The following MGMT variants were observed in gnomAD, a reference collection of about 807,000 sequenced individuals.
MGMT encodes methylated-DNA--protein-cysteine methyltransferase.
A neutral mutation model predicts 15.9 loss-of-function variants in MGMT; 14 were observed. The observed-to-expected ratio is 0.88, with a 90% CI of 0.58 to 1.37. The LOEUF (loss-of-function observed/expected upper bound fraction) is 1.37, where lower values mean the gene tolerates loss of function less well. Among genes scored for constraint, MGMT ranks in the 40% most tolerant of loss-of-function variants. The probability of loss-of-function intolerance (pLI) is 0.00; values close to 1 mark genes in which losing one functional copy is unlikely to be tolerated. For missense variants in MGMT, 282 were observed against 268.1 expected (o/e 1.05, Z -0.36); for synonymous variants, 130 against 118.2 (o/e 1.10, Z -0.65).
intron 2 of MGMT, among the ~76,000 whole-genome samples, chr10:129,562,152 A>G (rs991624961): frequency 4.6e-5 from 7 of 152,214 alleles, no homozygotes; most frequent in Non-Finnish European, 7.3e-5. Flanking sequence ...GTTGTAAAAA[A>G]TTATATACCA....
chr10:129,756,212 G>A (rs1220077582), intron 3 of MGMT, among the ~76,000 whole-genome samples: 1 of 152,170 alleles, frequency 6.6e-6, no homozygotes, highest in African/African-American at 2.4e-5. Context: ...AAATAGCCAT[G>A]TCCTTCAGAT....
chr10:129,667,664 T>C (rs1401601345), intron 2 of MGMT, among the ~76,000 whole-genome samples: 1 of 152,214 alleles, frequency 6.6e-6, no homozygotes, highest in Admixed American at 6.5e-5. Flanking sequence ...GGTTATACGG[T>C]ATGGATGTAA....
chr10:129,743,183 C>T (rs1412638678), intron 3 of MGMT, among the ~76,000 whole-genome samples: 2 of 152,192 alleles, frequency 1.3e-5, no homozygotes, highest in African/African-American at 4.8e-5. Flanking sequence ...AAACTGCTAC[C>T]CATCCAAGAC....
intron 2 of MGMT, among the ~76,000 whole-genome samples, chr10:129,629,551 C>T (rs1362369409): frequency 3.9e-5 from 6 of 152,186 alleles, no homozygotes; most frequent in Admixed American, 2.0e-4. Flanking sequence ...AGTTAAGCAG[C>T]GTACCTGGTG....
intron 2 of MGMT, among the ~76,000 whole-genome samples, chr10:129,573,799 GTACTTC>G (rs1229649501): frequency 6.6e-6 from 1 of 151,992 alleles, no homozygotes; most frequent in Admixed American, 6.6e-5. Flanking sequence ...TTTTTTGGTG[GTACTTC>G]ATATATGAAA....
At position 129,504,457 on chromosome 10, in the gene MGMT, C is replaced by T. The variant is rs139718641; in HGVS notation, c.-12-31784C>T. 2.6e-3 allele frequency among the ~76,000 whole-genome samples: 394 copies of T among 152,240 alleles called. 1 individual carries two copies. The highest frequency in any genetic ancestry group is 9.1e-3 in the African/African-American group (377 of 41,528). ...AGTAAACAGAATTCTAGTTTAGGGT[C>T]TTATGAATTTTAGATTTGAATGTGT... is the stretch of plus-strand genomic sequence containing the variant. On this transcript the variant is annotated intron_variant, in intron 1 of 4. Transcript: ENST00000651593.
chr10:129,766,968 T>A lies in MGMT; in HGVS notation c.595T>A (p.Ser199Thr). The change falls in exon 5 of 5, where the codon TCG becomes ACG. Residue 199 changes from serine to threonine, a missense_variant. Coordinates refer to ENST00000651593, the MANE Select transcript of MGMT (RefSeq NM_002412.5). ...CTGGCTCAAGGGAGCGGGAGCTACC[T>A]CGGGCTCCCCGCCTGCTGGCCGAAA... is the stretch of plus-strand genomic sequence containing the variant. ...GAWLKGAGATSGSPPAGRN is the reference protein window; with the variant it reads ...GAWLKGAGATTGSPPAGRN 1 of 1,607,538 alleles carries A rather than the reference T, an allele frequency of 6.2e-7. No homozygotes were observed. Among genetic ancestry groups the A allele is most frequent in the Admixed American group, 1.7e-5 (1 of 59,338 alleles).
rs570265972 is a variant in MGMT at position 129,526,152 on chromosome 10, G to A, written c.-12-10089G>A. ...AGCCGTGGCCCTTTATACTTGGTGA[G>A]CATCAGCCACACCACGTGGCCAGGT... On this transcript the variant is annotated intron_variant, in intron 1 of 4. Coordinates refer to ENST00000651593, the MANE Select transcript of MGMT (RefSeq NM_002412.5). Among the ~76,000 whole-genome samples, 19 of 152,330 alleles carry A rather than the reference G, an allele frequency of 1.2e-4. No homozygotes were observed. The South Asian group carries it at 3.9e-3, about 32-fold the overall frequency.
chr10:129,472,035 G>A (rs1348834933), intron 1 of MGMT, among the ~76,000 whole-genome samples: 3 of 152,210 alleles, frequency 2.0e-5, no homozygotes, highest in Non-Finnish European at 4.4e-5. Flanking sequence ...AAACACACGC[G>A]AAGCACGGGC....
At chr10:129,546,137 A>G (rs1846095709) in intron 2 of MGMT, among the ~76,000 whole-genome samples, 1 of 152,230 alleles carries the variant, frequency 6.6e-6, no homozygotes, top group Non-Finnish European at 1.5e-5. Flanking sequence ...TAAACGTGTG[A>G]GTGCCCTGCT....
intron 2 of MGMT, among the ~76,000 whole-genome samples, chr10:129,594,300 C>T (rs1846725159): frequency 6.6e-6 from 1 of 152,064 alleles, no homozygotes; most frequent in South Asian, 2.1e-4. Flanking sequence ...GTTGTCAACA[C>T]CAAGGAAACA....
chr10:129,486,761 A>T (rs1050280534), intron 1 of MGMT, among the ~76,000 whole-genome samples: 1 of 152,228 alleles, frequency 6.6e-6, no homozygotes, highest in Admixed American at 6.5e-5. Context: ...TTCTCTTGTC[A>T]TCATTGCAGG....
At chr10:129,617,794 T>C (rs1847045257) in intron 2 of MGMT, among the ~76,000 whole-genome samples, 1 of 152,206 alleles carries the variant, frequency 6.6e-6, no homozygotes, top group African/African-American at 2.4e-5. Flanking sequence ...TGTTTTTTGC[T>C]TGTTAATTTG....
chr10:129,678,746 G>A lies in MGMT; in HGVS notation c.126-29149G>A, dbSNP rs1847814324. Among the ~76,000 whole-genome samples, 7 of 151,802 alleles carry A rather than the reference G, an allele frequency of 4.6e-5. No individual in the cohort carries two copies. In the South Asian group the frequency reaches 1.5e-3, roughly 32 times the overall value. Reference sequence around the variant, plus strand: ...CTACGTGTGCACCGGGTGTAGACTTGGTCCAGTGCATGTGGTGCTAAGCCA... The same window carrying A: ...CTACGTGTGCACCGGGTGTAGACTTAGTCCAGTGCATGTGGTGCTAAGCCA... On this transcript the variant is annotated intron_variant, in intron 2 of 4. Transcript: ENST00000651593.
At chr10:129,749,289 C>T (rs1264194347) in intron 3 of MGMT, among the ~76,000 whole-genome samples, 2 of 152,132 alleles carry the variant, frequency 1.3e-5, no homozygotes, top group Non-Finnish European at 2.9e-5. Context: ...CCTATTCAGT[C>T]CCCCGCTCCT....
chr10:129,645,118 CT>C (rs10606297), intron 2 of MGMT, among the ~76,000 whole-genome samples: 32,591 of 121,718 alleles, frequency 0.27, 3,492 homozygotes, highest in Admixed American at 0.31. Context: ...CCTGAAAGCC[CT>C]TTTTTTTTTT....
chr10:129,623,347 G>A (rs1406647824), intron 2 of MGMT, among the ~76,000 whole-genome samples: 1 of 152,126 alleles, frequency 6.6e-6, no homozygotes, highest in African/African-American at 2.4e-5. Context: ...ATGCCAAGTG[G>A]TAGGAAGGAG....
intron 3 of MGMT, among the ~76,000 whole-genome samples, chr10:129,742,462 C>T (rs918443724): frequency 9.2e-5 from 14 of 151,746 alleles, no homozygotes; most frequent in Non-Finnish European, 1.8e-4. Flanking sequence ...AGGGCCGGGG[C>T]ATTCAGCAGT....
At chr10:129,509,838 C>A (rs1183629970) in intron 1 of MGMT, among the ~76,000 whole-genome samples, 1 of 152,180 alleles carries the variant, frequency 6.6e-6, no homozygotes, top group Admixed American at 6.5e-5. Flanking sequence ...GAGAAAGGTC[C>A]CGTAAATTGG....
Sources: allele counts gnomAD v4.1 joint callset (sites outside exome capture counted in the v4.1 genomes callset), GRCh38; gene constraint gnomAD v4.1.1; transcripts MANE v1.5; gene names NCBI Gene and HGNC (gene_info 2026-07-23, HGNC 2026-07-21).